The following NRG1 variants were observed in gnomAD, a reference collection of about 807,000 sequenced individuals.
NRG1 encodes pro-neuregulin-1, membrane-bound isoform.
Under a neutral mutation model 63.8 loss-of-function variants are expected in NRG1, and 18 were observed. That is an observed-to-expected ratio of 0.28 (90% CI 0.19 to 0.42). The LOEUF (loss-of-function observed/expected upper bound fraction) is 0.42, where lower values mean the gene tolerates loss of function less well. Ranked by LOEUF, NRG1 falls within the 10% of genes least tolerant of loss-of-function variation. NRG1 has a pLI of 1.00. For synonymous variants in NRG1, 302 were observed against 301.3 expected (o/e 1.00, Z -0.02); for missense variants, 762 against 814.7 (o/e 0.94, Z 0.79).
At chr8:31,657,820 G>A (rs184437451) in intron 1 of NRG1, among the ~76,000 whole-genome samples, 44 of 152,284 alleles carry the variant, frequency 2.9e-4, no homozygotes, top group Admixed American at 2.6e-3. Context: ...AGGTCATGCA[G>A]CTGCTGGGAG....
intron 5 of NRG1, among the ~76,000 whole-genome samples, chr8:32,663,350 C>T (rs1404377453): frequency 1.3e-5 from 2 of 152,148 alleles, no homozygotes; most frequent in Admixed American, 6.5e-5. Context: ...ATTTTCCACC[C>T]GTTTCCCATG....
Position 32,647,361 on chromosome 8 carries a change from C to G in NRG1, c.502+30476C>G, listed in dbSNP as rs187611769. On this transcript the variant is annotated intron_variant, in intron 5 of 11. Transcript: ENST00000356819. ...TCAGATGCTCGAGGTGAGAAACATG[C>G]CTTTCAGTTTGGGCTACTGGTTTAC... 334 of 985,360 alleles carry G rather than the reference C, an allele frequency of 3.4e-4. 1 individual carries two copies. Among genetic ancestry groups the G allele is most frequent in the Admixed American group, 4.3e-4 (7 of 16,272 alleles). The allele number at this position is 985,360 out of a possible 1,614,324, so 61.0% of individuals were successfully genotyped here.
Position 32,400,320 on chromosome 8 carries a change from C to G in NRG1, c.38-195508C>G, listed in dbSNP as rs567870870. On this transcript the variant is annotated intron_variant, in intron 1 of 10. Transcript: ENST00000519301. ...CCAACGTGGCAAACTCTGTCTCTAC[C>G]AAAAATACAAAAATTAGCCAGGTGT... Among the ~76,000 whole-genome samples the G allele has an allele frequency of 5.3e-5, 8 of 152,052 alleles. No homozygotes were observed. In the East Asian group the frequency reaches 1.5e-3, roughly 29 times the overall value.
intron 1 of NRG1, among the ~76,000 whole-genome samples, chr8:32,318,789 C>A (rs757893952): frequency 6.6e-6 from 1 of 152,140 alleles, no homozygotes. Flanking sequence ...GTTGCAATTC[C>A]GTTTGCAATT....
chr8:32,280,287 T>C lies in NRG1; in HGVS notation c.38-315541T>C, dbSNP rs1244100686. On this transcript the variant is annotated intron_variant, in intron 1 of 10. Coordinates refer to the NRG1 transcript ENST00000519301. ...CGCACGCACACTTTCTAAAGGAGTTTTTCCACTTCATATGACTCTGGCTGT... is the reference window on the plus strand; with the variant it reads ...CGCACGCACACTTTCTAAAGGAGTTCTTCCACTTCATATGACTCTGGCTGT... Among the ~76,000 whole-genome samples, 7 of 152,356 alleles carry C rather than the reference T, an allele frequency of 4.6e-5. No individual in the cohort carries two copies. In the East Asian group the frequency reaches 1.4e-3, roughly 29 times the overall value.
intron 6 of NRG1, among the ~76,000 whole-genome samples, chr8:32,733,096 C>A (rs1284960832): frequency 6.6e-6 from 1 of 152,062 alleles, no homozygotes; most frequent in Non-Finnish European, 1.5e-5. Flanking sequence ...CATGAGCCAC[C>A]ATGCCTGGCC....
At chr8:31,740,378 T>G (rs1345333960) in intron 1 of NRG1, among the ~76,000 whole-genome samples, 5 of 152,066 alleles carry the variant, frequency 3.3e-5, no homozygotes, top group African/African-American at 7.2e-5. Context: ...TCTAAAGGGA[T>G]TCTTCAAGTA....
At chr8:32,636,377 A>G (rs1050321453) in intron 5 of NRG1, among the ~76,000 whole-genome samples, 2 of 152,182 alleles carry the variant, frequency 1.3e-5, no homozygotes, top group African/African-American at 4.8e-5. Context: ...GTACTGCATC[A>G]TACATATTTA....
At chr8:31,689,688 A>G (rs961727042) in intron 1 of NRG1, among the ~76,000 whole-genome samples, 30 of 152,162 alleles carry the variant, frequency 2.0e-4, no homozygotes, top group African/African-American at 7.0e-4. Context: ...AACCTATTCA[A>G]TGAATATTCA....
chr8:32,742,962 G>A lies in NRG1; in HGVS notation c.691+229G>A, dbSNP rs75248850. On this transcript the variant is annotated intron_variant, in intron 7 of 11. Coordinates refer to ENST00000356819, the Ensembl canonical transcript of NRG1. The surrounding 1 kb of genome is among the most constrained non-coding windows in gnomAD (Gnocchi z 4.2). ...GATACTAATAGGTGTGTGAGGCTCC[G>A]GATGTTTCTGGAATTGATATTGAAT... The A allele has an allele frequency of 3.8e-4, 510 of 1,357,674 alleles. No homozygotes were observed. Among genetic ancestry groups the A allele is most frequent in the Non-Finnish European group, 4.6e-4 (485 of 1,051,080 alleles). The allele number at this position is 1,357,674 out of a possible 1,614,324, so 84.1% of individuals were successfully genotyped here.
chr8:32,352,447 A>T (rs930026327), intron 1 of NRG1, among the ~76,000 whole-genome samples: 1 of 147,438 alleles, frequency 6.8e-6, no homozygotes, highest in Non-Finnish European at 1.5e-5. Flanking sequence ...CTGGTTGGCA[A>T]TGGACTCTTT....
intron 1 of NRG1, among the ~76,000 whole-genome samples, chr8:32,400,161 A>G (rs1812983887): frequency 6.6e-6 from 1 of 152,228 alleles, no homozygotes; most frequent in Non-Finnish European, 1.5e-5. Flanking sequence ...ACCCGAGCCT[A>G]AAATCTGTAG....
intron 1 of NRG1, among the ~76,000 whole-genome samples, chr8:31,837,688 A>G (rs1375987372): frequency 6.6e-6 from 1 of 151,970 alleles, no homozygotes. Context: ...TTCAACTTCT[A>G]TGAGATCAGT....
chr8:32,505,251 A>C (rs1341067399), intron 1 of NRG1, among the ~76,000 whole-genome samples: 1 of 152,140 alleles, frequency 6.6e-6, no homozygotes, highest in East Asian at 1.9e-4. Context: ...TTCTTGTCTA[A>C]ATCTAATTTA....
intron 1 of NRG1, among the ~76,000 whole-genome samples, chr8:32,517,958 A>C (rs1470565981): frequency 6.6e-6 from 1 of 152,216 alleles, no homozygotes; most frequent in African/African-American, 2.4e-5. Flanking sequence ...AGGACAGAGA[A>C]ACAGGAGAAG....
intron 1 of NRG1, among the ~76,000 whole-genome samples, chr8:32,381,915 A>T (rs1810407258): frequency 6.6e-6 from 1 of 152,220 alleles, no homozygotes; most frequent in African/African-American, 2.4e-5. Context: ...AACATATTTG[A>T]CAAAATATAG....
intron 1 of NRG1, among the ~76,000 whole-genome samples, chr8:31,756,837 T>C (rs1244521732): frequency 1.3e-5 from 2 of 152,182 alleles, no homozygotes; most frequent in African/African-American, 4.8e-5. Flanking sequence ...TAAGCCTGGC[T>C]TCCATCTTGT....
At chr8:32,718,304 C>T (rs1194518405) in intron 5 of NRG1, among the ~76,000 whole-genome samples, 3 of 152,156 alleles carry the variant, frequency 2.0e-5, no homozygotes, top group African/African-American at 7.2e-5. Context: ...AAAGGAACTC[C>T]AGCAGTTAGC....
chr8:32,354,849 A>C (rs1806153600), intron 1 of NRG1, among the ~76,000 whole-genome samples: 1 of 151,400 alleles, frequency 6.6e-6, no homozygotes, highest in South Asian at 2.1e-4. Context: ...GAAGAGATTC[A>C]AAAGTCTAGA....
Sources: allele counts gnomAD v4.1 joint callset (sites outside exome capture counted in the v4.1 genomes callset), GRCh38; gene constraint gnomAD v4.1.1; non-coding constraint Gnocchi (gnomAD v3.1); transcripts MANE v1.5; gene names NCBI Gene and HGNC (gene_info 2026-07-23, HGNC 2026-07-21).